The following CRACDL variants were observed in gnomAD, a reference collection of about 807,000 sequenced individuals.
The protein encoded by CRACDL is CRACD like.
In CRACDL, 26 loss-of-function variants were observed where a neutral mutation model predicts 70.6. That is an observed-to-expected ratio of 0.37 (90% CI 0.27 to 0.51). The LOEUF (loss-of-function observed/expected upper bound fraction) is 0.51, where lower values mean the gene tolerates loss of function less well. CRACDL is among the 20% of genes least tolerant of loss of function. The pLI, the probability that CRACDL is intolerant of heterozygous loss-of-function variation, is 0.94. For missense variants in CRACDL, 1,283 were observed against 1,376.9 expected (o/e 0.93, Z 1.08); for synonymous variants, 618 against 615.2 (o/e 1.00, Z -0.07).
At chr2:98,917,981 A>C (rs1171633681) in intron 1 of CRACDL, among the ~76,000 whole-genome samples, 3 of 152,236 alleles carry the variant, frequency 2.0e-5, no homozygotes, top group Admixed American at 2.0e-4. Context: ...ATAGTATTCC[A>C]CTGTGTATAT....
At chr2:98,935,744 C>T (rs933843040) in intron 1 of CRACDL, among the ~76,000 whole-genome samples, 194 bp downstream of exon 1, 6 of 152,202 alleles carry the variant, frequency 3.9e-5, no homozygotes, top group Admixed American at 2.6e-4. Context: ...GGCTCCCCCT[C>T]GGCCGCAGGA....
At chr2:98,921,295 G>C (rs1437033441) in intron 1 of CRACDL, among the ~76,000 whole-genome samples, 1 of 152,212 alleles carries the variant, frequency 6.6e-6, no homozygotes. Context: ...GCGCGGCAGG[G>C]CAGCCACAAG....
intron 3 of CRACDL, among the ~76,000 whole-genome samples, chr2:98,836,535 G>C (rs1387976199): frequency 6.6e-6 from 1 of 152,166 alleles, no homozygotes; most frequent in Non-Finnish European, 1.5e-5. Context: ...TCCTGTGACA[G>C]GGAGGACATC....
At chr2:98,832,123 C>A (rs1180871328) in intron 5 of CRACDL, among the ~76,000 whole-genome samples, 1 of 152,204 alleles carries the variant, frequency 6.6e-6, no homozygotes, top group East Asian at 1.9e-4. Context: ...CTATCACCCT[C>A]ATTAAAAAAA....
intron 1 of CRACDL, among the ~76,000 whole-genome samples, chr2:98,917,729 T>C (rs977878454): frequency 2.6e-5 from 4 of 152,236 alleles, no homozygotes; most frequent in African/African-American, 4.8e-5. Flanking sequence ...GGGCTTTTAG[T>C]GTAACCATCA....
chr2:98,830,269 T>C (rs1008301891), intron 5 of CRACDL, among the ~76,000 whole-genome samples: 6 of 152,230 alleles, frequency 3.9e-5, no homozygotes, highest in Non-Finnish European at 8.8e-5. Flanking sequence ...GAAAAACTTA[T>C]TCTATCAGGA....
At chr2:98,913,598 ATGGACT>A (rs1423798668) in intron 1 of CRACDL, among the ~76,000 whole-genome samples, 35 of 152,124 alleles carry the variant, frequency 2.3e-4, no homozygotes, top group African/African-American at 8.2e-4. Context: ...GGCCAAGCCG[ATGGACT>A]CACCCAGGAG....
chr2:98,832,878 C>T lies in CRACDL; in HGVS notation c.359G>A (p.Arg120Gln), dbSNP rs1705604291. The T allele has an allele frequency of 1.2e-6, 2 of 1,614,134 alleles. No individual in the cohort carries two copies. Among genetic ancestry groups the T allele is most frequent in the Middle Eastern group, 1.6e-4 (1 of 6,062 alleles). Residue 120 changes from arginine (R) to glutamine (Q), a missense_variant, in exon 4 of 10, where the codon CGG becomes CAG. Physicochemically the swap from Arg to Gln is conservative, Grantham distance 43 (BLOSUM62 1). Around this residue, in one of 2 missense-constraint regions of CRACDL, gnomAD observed 362 missense variants for 495.0 expected, o/e 0.73. Transcript: ENST00000397899. The part of the protein sequence containing the change: ...RVFSQENVCD[R>Q]IKALQLKIQC... Reference sequence around the variant, plus strand: ...AACATTTACCTGCAGAGCTTTAATCCGATCACACACATTTTCTTGGGAAAA... The same window carrying T: ...AACATTTACCTGCAGAGCTTTAATCTGATCACACACATTTTCTTGGGAAAA...
chr2:98,804,436 T>TGCAGG (rs1704205730), intron 7 of CRACDL, among the ~76,000 whole-genome samples: 1 of 152,244 alleles, frequency 6.6e-6, no homozygotes, highest in African/African-American at 2.4e-5. Context: ...TGCAAACACG[T>TGCAGG]GCAGGGCAGC....
At chr2:98,840,116 TC>T (rs1198654315) in intron 2 of CRACDL, among the ~76,000 whole-genome samples, 1 of 152,264 alleles carries the variant, frequency 6.6e-6, no homozygotes, top group East Asian at 1.9e-4. Flanking sequence ...TTTTAGACTT[TC>T]CTGTTTTTAT....
chr2:98,914,312 A>C (rs968172518), intron 1 of CRACDL, among the ~76,000 whole-genome samples: 11 of 151,958 alleles, frequency 7.2e-5, no homozygotes, highest in Non-Finnish European at 1.6e-4. Flanking sequence ...AAGGAGCACC[A>C]CCTCCTCACA....
intron 7 of CRACDL, among the ~76,000 whole-genome samples, chr2:98,805,411 C>T (rs930472156): frequency 3.9e-5 from 6 of 152,162 alleles, no homozygotes; most frequent in Non-Finnish European, 4.4e-5. Context: ...TGTTTCCACA[C>T]TGCAATTAAG....
intron 2 of CRACDL, among the ~76,000 whole-genome samples, chr2:98,845,553 A>C (rs1706223457): frequency 6.6e-6 from 1 of 152,174 alleles, no homozygotes; most frequent in Non-Finnish European, 1.5e-5. Context: ...TTTAAAGAAT[A>C]TTCTTATCTA....
At chr2:98,801,239 C>T (rs1456347813) in intron 7 of CRACDL, among the ~76,000 whole-genome samples, 1 of 152,230 alleles carries the variant, frequency 6.6e-6, no homozygotes, top group Non-Finnish European at 1.5e-5. Flanking sequence ...TCCAGGGCCA[C>T]CCTCATTGGC....
chr2:98,820,958 GC>G (rs1409205866), intron 7 of CRACDL, among the ~76,000 whole-genome samples: 1 of 152,202 alleles, frequency 6.6e-6, no homozygotes, highest in African/African-American at 2.4e-5. Context: ...CCAAGAAATA[GC>G]TTAGGCCCTG....
At chr2:98,829,218 C>T (rs549066652) in intron 5 of CRACDL, among the ~76,000 whole-genome samples, 1 of 152,256 alleles carries the variant, frequency 6.6e-6, no homozygotes, top group African/African-American at 2.4e-5. Context: ...GGCCGCCCTG[C>T]GTCTGTCCTG....
chr2:98,808,999 T>C (rs1357692207), intron 7 of CRACDL, among the ~76,000 whole-genome samples: 2 of 152,206 alleles, frequency 1.3e-5, no homozygotes, highest in Non-Finnish European at 2.9e-5. Flanking sequence ...TGGTCTCCCA[T>C]GGTCCCCCAT....
At chr2:98,884,734 A>T (rs1707757849) in intron 1 of CRACDL, among the ~76,000 whole-genome samples, 1 of 152,200 alleles carries the variant, frequency 6.6e-6, no homozygotes, top group Non-Finnish European at 1.5e-5. Context: ...GAACACAGAG[A>T]GAAGACAGCT....
intron 7 of CRACDL, among the ~76,000 whole-genome samples, chr2:98,814,216 T>C (rs1446274115): frequency 2.0e-5 from 3 of 152,158 alleles, no homozygotes; most frequent in Non-Finnish European, 4.4e-5. Context: ...TGAGTTTAGT[T>C]TGCTTTTCTT....
Sources: gnomAD v4.1 joint callset for allele counts (sites outside exome capture counted in the v4.1 genomes callset) on GRCh38, gnomAD v4.1.1 for gene constraint, gnomAD v4.1.1 regional missense constraint, MANE v1.5 for transcripts, NCBI Gene and HGNC (gene_info 2026-07-23, HGNC 2026-07-21) for gene names.